FRAS1: variants seen among roughly 807,000 people sequenced by gnomAD.
The protein encoded by FRAS1 is extracellular matrix organizing protein FRAS1.
Under a neutral mutation model 435.2 loss-of-function variants are expected in FRAS1, and 290 were observed. The ratio of observed to expected loss-of-function variants is 0.67; its 90% CI spans 0.61 to 0.73. The LOEUF (loss-of-function observed/expected upper bound fraction) is 0.73, where lower values mean the gene tolerates loss of function less well. Among genes scored for constraint, FRAS1 ranks in the 30% least tolerant of loss-of-function variants. The pLI is 0.00. For missense variants in FRAS1, 4,860 were observed against 5,001.5 expected (o/e 0.97, Z 0.85); for synonymous variants, 1,800 against 1,851.0 (o/e 0.97, Z 0.71).
intron 2 of FRAS1, among the ~76,000 whole-genome samples, chr4:78,205,920 G>A (rs905454446): frequency 6.6e-6 from 1 of 151,974 alleles, no homozygotes; most frequent in African/African-American, 2.4e-5. Flanking sequence ...AGAGGAAAAG[G>A]GTCTGTTGGG....
chr4:78,112,449 T>C (rs867416536), intron 2 of FRAS1, among the ~76,000 whole-genome samples: 1 of 152,090 alleles, frequency 6.6e-6, no homozygotes, highest in Non-Finnish European at 1.5e-5. Flanking sequence ...TTCTGTTAGG[T>C]GACTTTTTTT....
intron 29 of FRAS1, among the ~76,000 whole-genome samples, chr4:78,400,433 G>A (rs1344246979): frequency 6.6e-6 from 1 of 152,140 alleles, no homozygotes; most frequent in African/African-American, 2.4e-5. Flanking sequence ...TGGGTGGAGA[G>A]GATAGAAAGA....
chr4:78,526,729 A>C, intron 70 of FRAS1, 72 bp downstream of exon 70: 1 of 932,106 alleles, frequency 1.1e-6, no homozygotes, highest in South Asian at 1.7e-5. Context: ...ACTAAAATTT[A>C]TTTGTAACCC....
At chr4:78,074,379 T>C (rs932321471) in intron 2 of FRAS1, among the ~76,000 whole-genome samples, 19 of 152,202 alleles carry the variant, frequency 1.2e-4, no homozygotes, top group African/African-American at 4.6e-4. Flanking sequence ...AGAAGAAATA[T>C]GAAATTATTG....
Position 78,481,692 on chromosome 4 carries a change from T to C in FRAS1, c.8444-112T>C. 3 of 1,203,668 alleles carry C rather than the reference T, an allele frequency of 2.5e-6. No homozygotes were observed. The South Asian group carries it at 3.8e-5, about 15-fold the overall frequency. 74.6% of individuals were successfully genotyped at this position (1,203,668 alleles called of 1,614,324 possible). On this transcript the variant is annotated intron_variant, in intron 56 of 73. Transcript: ENST00000512123. Reference sequence around the variant, plus strand: ...ATCACTGAAGCTAGATTAGAAAAGCTCAAAGGGCTAAAAGCTGCCACTATT... The same window carrying C: ...ATCACTGAAGCTAGATTAGAAAAGCCCAAAGGGCTAAAAGCTGCCACTATT...
intron 32 of FRAS1, among the ~76,000 whole-genome samples, chr4:78,417,860 C>T (rs1019090125): frequency 6.6e-6 from 1 of 152,220 alleles, no homozygotes; most frequent in Non-Finnish European, 1.5e-5. Flanking sequence ...ACACTCTAAC[C>T]CACCTTCAGG....
chr4:78,221,918 T>A (rs1724067836), intron 2 of FRAS1, among the ~76,000 whole-genome samples: 1 of 152,226 alleles, frequency 6.6e-6, no homozygotes, highest in African/African-American at 2.4e-5. Context: ...TAGTGTTCAC[T>A]CTGTCTTTAA....
At chr4:78,100,859 G>A (rs1466023821) in intron 2 of FRAS1, among the ~76,000 whole-genome samples, 2 of 152,198 alleles carry the variant, frequency 1.3e-5, no homozygotes, top group South Asian at 2.1e-4. Flanking sequence ...ATTTCCTGGA[G>A]AGCACACGTG....
intron 4 of FRAS1, 26 bp downstream of exon 4, chr4:78,245,351 A>G: frequency 6.9e-7 from 1 of 1,445,850 alleles, no homozygotes; most frequent in Non-Finnish European, 9.6e-7. Context: ...CTCACGGTTG[A>G]TTCTGTGTCT....
At chr4:78,462,200 C>T (rs982765355) in intron 47 of FRAS1, among the ~76,000 whole-genome samples, 2 of 152,156 alleles carry the variant, frequency 1.3e-5, no homozygotes, top group African/African-American at 4.8e-5. Flanking sequence ...CATGGCGAAA[C>T]CCAGTCTCTA....
At chr4:78,212,811 G>A (rs1723573238) in intron 2 of FRAS1, among the ~76,000 whole-genome samples, 1 of 152,188 alleles carries the variant, frequency 6.6e-6, no homozygotes, top group South Asian at 2.1e-4. Context: ...ATAAGTTCTG[G>A]AATGGAAATT....
chr4:78,154,154 G>A (rs1266630392), intron 2 of FRAS1, among the ~76,000 whole-genome samples: 1 of 152,022 alleles, frequency 6.6e-6, no homozygotes, highest in Non-Finnish European at 1.5e-5. Flanking sequence ...GCATGCAGAT[G>A]AGAAGCTAAT....
At chr4:78,487,319 T>C (rs565868029) in intron 58 of FRAS1, among the ~76,000 whole-genome samples, 1 of 152,328 alleles carries the variant, frequency 6.6e-6, no homozygotes, top group South Asian at 2.1e-4. Context: ...ATTTTTGCCA[T>C]GGCCAACAGT....
At chr4:78,097,111 A>T (rs573229697) in intron 2 of FRAS1, among the ~76,000 whole-genome samples, 1 of 152,158 alleles carries the variant, frequency 6.6e-6, no homozygotes, top group South Asian at 2.1e-4. Flanking sequence ...GGTTTCACAA[A>T]TCTCTAGGGC....
chr4:78,356,259 G>T (rs1280542608), intron 20 of FRAS1, among the ~76,000 whole-genome samples: 1 of 152,112 alleles, frequency 6.6e-6, no homozygotes, highest in East Asian at 1.9e-4. Flanking sequence ...AGTGGATTTT[G>T]AAAACCAGGT....
At chr4:78,324,962 A>C (rs1358383182) in intron 18 of FRAS1, among the ~76,000 whole-genome samples, 5 of 152,138 alleles carry the variant, frequency 3.3e-5, no homozygotes, top group Non-Finnish European at 1.5e-5. Context: ...ATAATTTTGA[A>C]GACATTACAA....
intron 2 of FRAS1, among the ~76,000 whole-genome samples, chr4:78,095,643 C>A (rs555509120): frequency 4.6e-5 from 7 of 152,324 alleles, no homozygotes; most frequent in African/African-American, 1.7e-4. Flanking sequence ...GAACAAGTCA[C>A]GTCTTACGTG....
intron 2 of FRAS1, among the ~76,000 whole-genome samples, chr4:78,163,384 C>A (rs1229061095): frequency 6.6e-6 from 1 of 151,964 alleles, no homozygotes; most frequent in Admixed American, 6.6e-5. Flanking sequence ...GAAAAAAATC[C>A]TCTGTTTTAA....
At chr4:78,238,811 G>A (rs1462569297) in intron 3 of FRAS1, among the ~76,000 whole-genome samples, 1 of 152,170 alleles carries the variant, frequency 6.6e-6, no homozygotes, top group East Asian at 1.9e-4. Context: ...TGAATCACAT[G>A]TTAGAAGACA....
Sources: allele counts gnomAD v4.1 joint callset (sites outside exome capture counted in the v4.1 genomes callset), GRCh38; gene constraint gnomAD v4.1.1; transcripts MANE v1.5; gene names NCBI Gene and HGNC (gene_info 2026-07-23, HGNC 2026-07-21).